GALNT13: variants seen among roughly 807,000 people sequenced by gnomAD.
GALNT13 encodes the protein polypeptide N-acetylgalactosaminyltransferase 13.
GALNT13 carries 28 observed loss-of-function variants against 64.2 expected under a neutral mutation model. The ratio of observed to expected loss-of-function variants is 0.44; its 90% CI spans 0.32 to 0.60. GALNT13 has a LOEUF of 0.60. Ranked by LOEUF, GALNT13 falls within the 20% of genes least tolerant of loss-of-function variation. GALNT13 has a pLI of 0.05. For missense variants in GALNT13, 577 were observed against 669.8 expected (o/e 0.86, Z 1.53); for synonymous variants, 214 against 224.6 (o/e 0.95, Z 0.42).
At chr2:154,290,037 A>G (rs1692509449) in intron 8 of GALNT13, among the ~76,000 whole-genome samples, 2 of 152,200 alleles carry the variant, frequency 1.3e-5, no homozygotes, top group Admixed American at 6.5e-5. Flanking sequence ...AGGTGATTTA[A>G]GAGCCATTCT....
chr2:153,669,926 G>A, the GALNT13 span, among the ~76,000 whole-genome samples: 2 of 148,912 alleles, frequency 1.3e-5, no homozygotes, highest in African/African-American at 2.5e-5. Context: ...TGCTAGTGCG[G>A]CAGTCTGACA....
chr2:153,584,787 G>A, the GALNT13 span, among the ~76,000 whole-genome samples: 2 of 152,112 alleles, frequency 1.3e-5, no homozygotes, highest in African/African-American at 2.4e-5. Context: ...CCTGCCAATA[G>A]CAGCACCCTA....
chr2:153,623,918 A>C, the GALNT13 span, among the ~76,000 whole-genome samples: 1 of 152,072 alleles, frequency 6.6e-6, no homozygotes, highest in Admixed American at 6.6e-5. Context: ...GCCAATATAC[A>C]AATTGGCTTA....
chr2:154,240,947 T>A (rs1388601712), intron 4 of GALNT13, among the ~76,000 whole-genome samples: 1 of 152,022 alleles, frequency 6.6e-6, no homozygotes, highest in Non-Finnish European at 1.5e-5. Flanking sequence ...GCCTGGGCTG[T>A]CTCCTCTGAC....
the GALNT13 span, among the ~76,000 whole-genome samples, chr2:153,076,983 G>A: frequency 6.0e-5 from 9 of 151,076 alleles, no homozygotes; most frequent in African/African-American, 1.9e-4. Context: ...ACAGAGTCTT[G>A]CTCTTTTGCC....
intron 11 of GALNT13, among the ~76,000 whole-genome samples, chr2:154,411,087 T>G (rs1209411320): frequency 1.3e-5 from 2 of 151,856 alleles, no homozygotes; most frequent in Non-Finnish European, 2.9e-5. Flanking sequence ...GCCAGAACAG[T>G]AGATTTGTAC....
At chr2:154,053,012 A>T (rs1354310572) in intron 3 of GALNT13, among the ~76,000 whole-genome samples, 3 of 152,080 alleles carry the variant, frequency 2.0e-5, no homozygotes, top group African/African-American at 7.2e-5. Context: ...AAGTGCTGGG[A>T]TATAGGCATG....
intron 9 of GALNT13, among the ~76,000 whole-genome samples, chr2:154,339,363 T>C (rs902071699): frequency 6.6e-6 from 1 of 152,116 alleles, no homozygotes; most frequent in African/African-American, 2.4e-5. Flanking sequence ...GGAGGAACTT[T>C]GGATAAGTAA....
At chr2:153,464,744 C>T in the GALNT13 span, among the ~76,000 whole-genome samples, 1 of 151,956 alleles carries the variant, frequency 6.6e-6, no homozygotes, top group Non-Finnish European at 1.5e-5. Context: ...GGTGATATCA[C>T]CTAGAAACAG....
chr2:153,675,677 G>A, the GALNT13 span, among the ~76,000 whole-genome samples: 1 of 151,926 alleles, frequency 6.6e-6, no homozygotes, highest in East Asian at 1.9e-4. Flanking sequence ...ATTTACCCTA[G>A]AACTTAAAGT....
At chr2:153,478,666 A>G in the GALNT13 span, 3 of 952,840 alleles carry the variant, frequency 3.1e-6, no homozygotes, top group African/African-American at 1.7e-5. Flanking sequence ...CTCGCAGACT[A>G]GCGCGTGCGA....
rs977463684 is a variant in GALNT13, at chr2:154,041,579, G to T, written c.142+96940G>T. On this transcript the variant is annotated intron_variant, in intron 3 of 12. Coordinates refer to ENST00000392825, the MANE Select transcript of GALNT13 (RefSeq NM_052917.4). The stretch of plus-strand genomic sequence containing the variant: ...TTAATTTACATAAATTATCTAGCTG[G>T]CTTTGAAACCTATTGACATGTGAGA... Among the ~76,000 whole-genome samples, 20 of 140,320 alleles carry T rather than the reference G, an allele frequency of 1.4e-4. 2 individuals carry two copies. Among genetic ancestry groups the T allele is most frequent in the Admixed American group, 4.3e-4 (6 of 14,006 alleles). 92.1% of individuals were successfully genotyped at this position (140,320 alleles called of 152,430 possible). A position where few individuals can be genotyped will look rare whatever the true frequency, so the allele number is the denominator to read the frequency against.
At chr2:153,266,458 A>G in the GALNT13 span, among the ~76,000 whole-genome samples, 10 of 152,158 alleles carry the variant, frequency 6.6e-5, no homozygotes, top group Non-Finnish European at 1.2e-4. Context: ...GGGTAATTTA[A>G]AAAGAAAAAA....
chr2:153,353,283 G>A, the GALNT13 span, among the ~76,000 whole-genome samples: 1 of 152,002 alleles, frequency 6.6e-6, no homozygotes, highest in Non-Finnish European at 1.5e-5. Flanking sequence ...AAGTGATTGG[G>A]TTTTACACAC....
At chr2:153,925,653 G>A (rs561608521) in intron 2 of GALNT13, among the ~76,000 whole-genome samples, 11 of 152,036 alleles carry the variant, frequency 7.2e-5, no homozygotes, top group Non-Finnish European at 1.6e-4. Flanking sequence ...TAGGCAGGAT[G>A]ACCATTTTCA....
At chr2:153,634,785 G>A in the GALNT13 span, among the ~76,000 whole-genome samples, 6 of 151,682 alleles carry the variant, frequency 4.0e-5, no homozygotes, top group Non-Finnish European at 8.8e-5. Context: ...TCCTGACCTC[G>A]TGATCTGCCT....
chr2:153,583,580 C>T, the GALNT13 span, among the ~76,000 whole-genome samples: 1 of 152,118 alleles, frequency 6.6e-6, no homozygotes, highest in Non-Finnish European at 1.5e-5. Flanking sequence ...GGTCCACTTT[C>T]CCACTGCGGA....
the GALNT13 span, among the ~76,000 whole-genome samples, chr2:153,169,143 C>T: frequency 1.4e-3 from 219 of 152,286 alleles, no homozygotes; most frequent in African/African-American, 5.0e-3. Context: ...TTCTGATATG[C>T]ACCATACCTA....
chr2:153,724,320 A>G, the GALNT13 span, among the ~76,000 whole-genome samples: 1 of 135,462 alleles, frequency 7.4e-6, no homozygotes, highest in Non-Finnish European at 1.5e-5. Context: ...TGGATTAAAG[A>G]CTTAAACGTT....
Sources: allele counts gnomAD v4.1 joint callset (sites outside exome capture counted in the v4.1 genomes callset), GRCh38; gene constraint gnomAD v4.1.1; transcripts MANE v1.5; gene names NCBI Gene and HGNC (gene_info 2026-07-23, HGNC 2026-07-21).